PTPRQ: variants seen among roughly 807,000 people sequenced by gnomAD.
PTPRQ encodes protein tyrosine phosphatase receptor type Q.
A neutral mutation model predicts 246.0 loss-of-function variants in PTPRQ; 199 were observed. The observed-to-expected ratio is 0.81, with a 90% CI of 0.72 to 0.91. The LOEUF (loss-of-function observed/expected upper bound fraction) is 0.91. Among genes scored for constraint, PTPRQ ranks in the 40% least tolerant of loss-of-function variants. The pLI, the probability that PTPRQ is intolerant of heterozygous loss-of-function variation, is 0.00. For synonymous variants in PTPRQ, 869 were observed against 853.2 expected (o/e 1.02, Z -0.32); for missense variants, 2,624 against 2,528.4 (o/e 1.04, Z -0.81).
intron 3 of PTPRQ, among the ~76,000 whole-genome samples, chr12:80,446,769 T>C (rs181139033): frequency 3.5e-4 from 53 of 152,210 alleles, no homozygotes; most frequent in East Asian, 1.4e-3. Context: ...TTATTTTTTA[T>C]GCCTGCATAG....
At chr12:80,501,166 G>T (rs1460297536) in intron 14 of PTPRQ, among the ~76,000 whole-genome samples, 2 of 151,942 alleles carry the variant, frequency 1.3e-5, no homozygotes, top group Non-Finnish European at 2.9e-5. Flanking sequence ...ATTCACAGAT[G>T]AGGCGAGAGG....
chr12:80,610,765 G>A, intron 28 of PTPRQ, 140 bp downstream of exon 28: 1 of 978,846 alleles, frequency 1.0e-6, no homozygotes, highest in Non-Finnish European at 1.4e-6. Context: ...GTGACTCTCT[G>A]CAACTGACAA....
intron 35 of PTPRQ, among the ~76,000 whole-genome samples, chr12:80,648,390 A>T (rs1254798025): frequency 6.6e-6 from 1 of 152,028 alleles, no homozygotes; most frequent in Admixed American, 6.6e-5. Context: ...CACAAAAGAT[A>T]GGTCTAAAAT....
In PTPRQ at chr12:80,660,372, G is replaced by A. The variant is rs115371102; in HGVS notation, c.6192+2311G>A. On this transcript the variant is annotated intron_variant, in intron 39 of 44. Coordinates refer to ENST00000644991, the MANE Select transcript of PTPRQ (RefSeq NM_001145026.2). ...ATGCCAATGTGTGTTTTCCTCTGCC[G>A]TTGGCCATTCTCGAGAATGGTGCTC... Among the ~76,000 whole-genome samples the A allele has an allele frequency of 7.9e-3, 1,194 of 152,040 alleles. 9 individuals carry two copies. Among genetic ancestry groups the A allele is most frequent in the African/African-American group, 0.027 (1,117 of 41,490 alleles).
intron 29 of PTPRQ, 34 bp downstream of exon 29, chr12:80,613,870 T>A: frequency 1.4e-6 from 2 of 1,462,798 alleles, no homozygotes; most frequent in Non-Finnish European, 1.8e-6. Flanking sequence ...ATTACCCAAA[T>A]GACAATGTCA....
intron 14 of PTPRQ, among the ~76,000 whole-genome samples, chr12:80,502,855 T>C (rs182022094): frequency 7.0e-4 from 106 of 151,898 alleles, no homozygotes; most frequent in Non-Finnish European, 1.4e-3. Context: ...GAAAAGATTA[T>C]TGGAATTATA....
rs1178340623 is a variant in PTPRQ at position 80,523,389 on chromosome 12, T to A, written c.2679-10626T>A. Among the ~76,000 whole-genome samples the A allele has an allele frequency of 3.3e-5, 5 of 152,222 alleles. No individual in the cohort carries two copies. The East Asian group carries it at 9.6e-4, about 29-fold the overall frequency. On this transcript the variant is annotated intron_variant, in intron 17 of 44. Transcript: ENST00000644991. ...TTCAGTTCTGCTCTGATCTTAGTTA[T>A]TTCTTGCTTTCTGCTAGCTTTTGAA...
At chr12:80,656,003 C>A (rs368528232) in intron 38 of PTPRQ, among the ~76,000 whole-genome samples, 2 of 152,170 alleles carry the variant, frequency 1.3e-5, no homozygotes, top group African/African-American at 4.8e-5. Context: ...TATTCCAACA[C>A]CACAAAGAAA....
At chr12:80,530,330 T>A (rs1045485608) in intron 17 of PTPRQ, among the ~76,000 whole-genome samples, 7 of 152,232 alleles carry the variant, frequency 4.6e-5, no homozygotes, top group African/African-American at 1.7e-4. Flanking sequence ...TAGAATTATT[T>A]ACTGCTTTAT....
intron 35 of PTPRQ, among the ~76,000 whole-genome samples, chr12:80,643,838 G>T (rs10862179): frequency 0.086 from 13,073 of 152,214 alleles, 750 homozygotes; most frequent in South Asian, 0.19. Context: ...TATTAATATT[G>T]TACCAGAGAA....
At chr12:80,601,887 A>G (rs1414819404) in intron 26 of PTPRQ, among the ~76,000 whole-genome samples, 1 of 151,828 alleles carries the variant, frequency 6.6e-6, no homozygotes, top group Non-Finnish European at 1.5e-5. Flanking sequence ...TCCTAGGACC[A>G]TAAAGCTAGC....
chr12:80,532,282 T>G (rs183710628), intron 17 of PTPRQ, among the ~76,000 whole-genome samples: 1 of 152,184 alleles, frequency 6.6e-6, no homozygotes, highest in African/African-American at 2.4e-5. Context: ...GGAGTGCAGT[T>G]GCCGATATTG....
chr12:80,553,389 A>G (rs1205130074), intron 25 of PTPRQ, among the ~76,000 whole-genome samples: 4 of 152,058 alleles, frequency 2.6e-5, no homozygotes, highest in Non-Finnish European at 5.9e-5. Context: ...GTTTGTTGAT[A>G]AGAGGTTAGT....
chr12:80,616,883 T>C (rs1445292063), intron 30 of PTPRQ, among the ~76,000 whole-genome samples: 1 of 151,170 alleles, frequency 6.6e-6, no homozygotes, highest in Non-Finnish European at 1.5e-5. Context: ...ATTCGAATGA[T>C]CACGGTGCCC....
chr12:80,473,041 A>G lies in PTPRQ; in HGVS notation c.1186+790A>G, dbSNP rs547892971. Among the ~76,000 whole-genome samples, 24 of 64,832 alleles carry G rather than the reference A, an allele frequency of 3.7e-4. No individual in the cohort carries two copies. The South Asian group carries it at 9.2e-3, about 25-fold the overall frequency. The allele number at this position is 64,832 out of a possible 152,430, so 42.5% of individuals were successfully genotyped here. On this transcript the variant is annotated intron_variant, in intron 8 of 44. Coordinates refer to ENST00000644991, the MANE Select transcript of PTPRQ (RefSeq NM_001145026.2). The stretch of plus-strand genomic sequence containing the variant: ...CATGTATACACACACACACACTCAC[A>G]CACACGCACACACACACACACACAC...
chr12:80,584,567 G>A (rs572146928), intron 25 of PTPRQ, among the ~76,000 whole-genome samples: 1 of 152,210 alleles, frequency 6.6e-6, no homozygotes, highest in East Asian at 1.9e-4. Context: ...CTCTGACACA[G>A]TAAGTCCCCA....
intron 26 of PTPRQ, among the ~76,000 whole-genome samples, chr12:80,599,561 G>A (rs1158655451): frequency 6.6e-6 from 1 of 151,736 alleles, no homozygotes; most frequent in Non-Finnish European, 1.5e-5. Context: ...TAATTCTGTA[G>A]CCACCCTTAT....
At chr12:80,518,069 G>A (rs372640586) in intron 17 of PTPRQ, among the ~76,000 whole-genome samples, 53 of 152,132 alleles carry the variant, frequency 3.5e-4, no homozygotes, top group South Asian at 1.7e-3. Context: ...ACTGTTCTCC[G>A]TAGTGATTTT....
chr12:80,678,452 A>G, intron 43 of PTPRQ, 150 bp from the exon 44 acceptor site: 1 of 1,048,834 alleles, frequency 9.5e-7, no homozygotes, highest in Non-Finnish European at 1.2e-6. Flanking sequence ...AAATGGTAGA[A>G]AATCATATCT....
Sources: allele counts gnomAD v4.1 joint callset (sites outside exome capture counted in the v4.1 genomes callset), GRCh38; gene constraint gnomAD v4.1.1; transcripts MANE v1.5; gene names NCBI Gene and HGNC (gene_info 2026-07-23, HGNC 2026-07-21).